The following ZDHHC21 variants were observed in gnomAD, a reference collection of about 807,000 sequenced individuals.
ZDHHC21 encodes zDHHC palmitoyltransferase 21.
Under a neutral mutation model 34.6 loss-of-function variants are expected in ZDHHC21, and 15 were observed. That is an observed-to-expected ratio of 0.43 (90% CI 0.29 to 0.67). The LOEUF is 0.67. Among genes scored for constraint, ZDHHC21 ranks in the 30% least tolerant of loss-of-function variants. The pLI is 0.14. For synonymous variants in ZDHHC21, 142 were observed against 101.8 expected (o/e 1.40, Z -2.38); for missense variants, 344 against 327.7 (o/e 1.05, Z -0.38).
At chr9:14,597,466 G>A in the ZDHHC21 span, among the ~76,000 whole-genome samples, 1 of 152,300 alleles carries the variant, frequency 6.6e-6, no homozygotes, top group Non-Finnish European at 1.5e-5. Context: ...GAATCTGAGA[G>A]CGGCCTGCCT....
Position 14,611,639 on chromosome 9 carries a change from T to C in ZDHHC21, c.*7327A>G, listed in dbSNP as rs1008969081. 2.0e-5 allele frequency: 3 copies of C among 151,980 alleles called. No homozygotes were observed. Among genetic ancestry groups the C allele is most frequent in the Admixed American group, 6.6e-5 (1 of 15,220 alleles). 9.4% of individuals were successfully genotyped at this position (151,980 alleles called of 1,614,324 possible). A position where few individuals can be genotyped will look rare whatever the true frequency, so the allele number is the denominator to read the frequency against. ...CTAGACAGAACTTGGGGTTCACACA[T>C]AATTTTAGGAGCCTCAAGAATAACA... is the stretch of plus-strand genomic sequence containing the variant. On this transcript the variant is annotated 3_prime_UTR_variant, in exon 10 of 10. Coordinates refer to ENST00000380916, the MANE Select transcript of ZDHHC21 (RefSeq NM_178566.6).
chr9:14,662,204 A>T lies in ZDHHC21; in HGVS notation c.365+11T>A, dbSNP rs763122476. ...CCCCTCTTTTCTTTGCTAGAAGTGA[A>T]TTATTCTTACCATGGACAGTGATGA... is the stretch of plus-strand genomic sequence containing the variant. On this transcript the variant is annotated intron_variant, in intron 6 of 9. Transcript: ENST00000380916. 1.9e-6 allele frequency: 3 copies of T among 1,577,964 alleles called. No homozygotes were observed. The highest frequency in any genetic ancestry group is 1.2e-5 in the South Asian group (1 of 84,880).
At chr9:14,675,114 G>A (rs1836140156) in intron 3 of ZDHHC21, among the ~76,000 whole-genome samples, 1 of 151,914 alleles carries the variant, frequency 6.6e-6, no homozygotes, top group Admixed American at 6.6e-5. Flanking sequence ...ATCAACTGAA[G>A]AAGACTCCTG....
chr9:14,655,328 C>A (rs1831999956), intron 7 of ZDHHC21, among the ~76,000 whole-genome samples: 1 of 151,864 alleles, frequency 6.6e-6, no homozygotes, highest in Non-Finnish European at 1.5e-5. Flanking sequence ...AGAATTTGTT[C>A]CAAGAGACTT....
the ZDHHC21 span, among the ~76,000 whole-genome samples, chr9:14,601,490 G>T: frequency 2.6e-5 from 4 of 152,120 alleles, no homozygotes; most frequent in African/African-American, 9.7e-5. Flanking sequence ...AAAAAGTCAG[G>T]AAACAACAGA....
chr9:14,669,963 C>A (rs992406693), intron 5 of ZDHHC21, among the ~76,000 whole-genome samples: 2 of 149,772 alleles, frequency 1.3e-5, no homozygotes, highest in Admixed American at 1.3e-4. Flanking sequence ...ATGTAACTAA[C>A]CTGCACAATG....
Position 14,693,337 on chromosome 9 carries a change from CG to C in ZDHHC21, c.-334del. ...CCTCCTCCGGCGCCGCCGCCCAGGC[CG>C]GGCCGCTCTCCCCTTCCGCTTCCGG... is the stretch of plus-strand genomic sequence containing the variant. On this transcript the variant is annotated 5_prime_UTR_variant, in exon 1 of 10. It introduces an in-frame stop codon into an upstream open reading frame of the 5' UTR. Transcript: ENST00000380916. 1 of 412,136 alleles carries C rather than the reference CG, an allele frequency of 2.4e-6. No homozygotes were observed. Among genetic ancestry groups the C allele is most frequent in the South Asian group, 1.7e-5 (1 of 60,090 alleles). 25.5% of individuals were successfully genotyped at this position (412,136 alleles called of 1,614,324 possible). A position where few individuals can be genotyped will look rare whatever the true frequency, so the allele number is the denominator to read the frequency against.
downstream of ZDHHC21, among the ~76,000 whole-genome samples, chr9:14,609,905 G>A (rs1421957141): frequency 1.3e-5 from 2 of 152,044 alleles, no homozygotes; most frequent in African/African-American, 4.8e-5. Flanking sequence ...CACAAGATCA[G>A]ACTTCTCCAG....
rs779863246 is a variant in ZDHHC21, at chr9:14,674,365, A to G, written c.-25T>C. ...TTTTGCAATCTTATAACTGCCTGCTAACCCACAAGGAAGGATGATCCTAAG... is the reference window on the plus strand; with the variant it reads ...TTTTGCAATCTTATAACTGCCTGCTGACCCACAAGGAAGGATGATCCTAAG... On this transcript the variant is annotated 5_prime_UTR_variant, in exon 4 of 10. Coordinates refer to ENST00000380916, the MANE Select transcript of ZDHHC21 (RefSeq NM_178566.6). 6 of 1,575,014 alleles carry G rather than the reference A, an allele frequency of 3.8e-6. No individual in the cohort carries two copies. Among genetic ancestry groups the G allele is most frequent in the Non-Finnish European group, 4.3e-6 (5 of 1,165,058 alleles).
At chr9:14,601,809 T>C in the ZDHHC21 span, among the ~76,000 whole-genome samples, 1 of 152,188 alleles carries the variant, frequency 6.6e-6, no homozygotes, top group African/African-American at 2.4e-5. Context: ...TGGAATACTA[T>C]GCAGCCATTA....
At chr9:14,603,893 T>C in the ZDHHC21 span, among the ~76,000 whole-genome samples, 298 of 152,334 alleles carry the variant, frequency 2.0e-3, 1 homozygote, top group African/African-American at 7.0e-3. Context: ...TTTATAGTCG[T>C]AGATGTTGAC....
chr9:14,604,379 T>G, the ZDHHC21 span, among the ~76,000 whole-genome samples: 14 of 152,300 alleles, frequency 9.2e-5, no homozygotes, highest in East Asian at 1.3e-3. Context: ...GATGTTTTGT[T>G]TAAAAAATGT....
intron 8 of ZDHHC21, among the ~76,000 whole-genome samples, chr9:14,620,430 A>G (rs900453529): frequency 2.0e-5 from 3 of 152,062 alleles, no homozygotes; most frequent in African/African-American, 7.2e-5. Context: ...TTATTTTTAG[A>G]TATTTATTTG....
At chr9:14,683,415 T>C (rs1371309999) in intron 2 of ZDHHC21, among the ~76,000 whole-genome samples, 8 of 152,076 alleles carry the variant, frequency 5.3e-5, no homozygotes, top group African/African-American at 1.7e-4. Context: ...GAGAATACTA[T>C]AAACACCTCT....
chr9:14,600,171 G>C, the ZDHHC21 span, among the ~76,000 whole-genome samples: 3 of 152,214 alleles, frequency 2.0e-5, no homozygotes, highest in East Asian at 3.9e-4. Context: ...TCAGGCAAGA[G>C]AAAGAAATAA....
intron 2 of ZDHHC21, among the ~76,000 whole-genome samples, chr9:14,680,874 C>A (rs907135047): frequency 1.3e-5 from 2 of 152,088 alleles, no homozygotes; most frequent in Non-Finnish European, 2.9e-5. Flanking sequence ...GATACTGGTT[C>A]ATAGGTTGTG....
intron 7 of ZDHHC21, among the ~76,000 whole-genome samples, chr9:14,657,606 C>G (rs1564315969): frequency 6.6e-6 from 1 of 152,050 alleles, no homozygotes; most frequent in Non-Finnish European, 1.5e-5. Flanking sequence ...ACAAAAGCAG[C>G]CATAGACAAT....
the ZDHHC21 span, among the ~76,000 whole-genome samples, chr9:14,603,930 T>C: frequency 6.6e-6 from 1 of 152,176 alleles, no homozygotes; most frequent in Non-Finnish European, 1.5e-5. Flanking sequence ...CTTAAGAAAA[T>C]ATATCCTTCA....
At chr9:14,647,968 T>A (rs556803681) in intron 7 of ZDHHC21, among the ~76,000 whole-genome samples, 1 of 152,116 alleles carries the variant, frequency 6.6e-6, no homozygotes, top group Non-Finnish European at 1.5e-5. Context: ...TTAATTAACA[T>A]CTGTCCCTGG....
Sources: allele counts gnomAD v4.1 joint callset (sites outside exome capture counted in the v4.1 genomes callset), GRCh38; gene constraint gnomAD v4.1.1; transcripts MANE v1.5; gene names NCBI Gene and HGNC (gene_info 2026-07-23, HGNC 2026-07-21).